Variants in IMMP2L observed in about 807,000 individuals in gnomAD.
IMMP2L encodes inner mitochondrial membrane peptidase subunit 2, also known as mitochondrial inner membrane protease subunit 2.
In IMMP2L, 18 loss-of-function variants were observed where a neutral mutation model predicts 19.3. The observed-to-expected ratio is 0.93, with a 90% confidence interval of 0.64 to 1.38. The LOEUF is 1.38. Among genes scored for constraint, IMMP2L ranks in the 40% most tolerant of loss-of-function variants. IMMP2L has a pLI of 0.00. For synonymous variants in IMMP2L, 76 were observed against 73.0 expected, an observed-to-expected ratio of 1.04 and a Z score of -0.21; for missense variants, 233 against 218.2, an observed-to-expected ratio of 1.07 and a Z score of -0.43.
chr7:111,074,236 T>G lies in IMMP2L; in HGVS notation c.240-110671A>C, dbSNP rs115308652. Among the ~76,000 whole-genome samples the G allele has an allele frequency of 8.6e-3, 1,311 of 152,318 alleles. 20 individuals carry two copies. Among genetic ancestry groups the G allele is most frequent in the African/African-American group, 0.029 (1,187 of 41,566 alleles). ...GAAGTCAGAGCAAAAATAAGAAACCTAGTTTATTCACTTCCTGACCTGACT... is the reference window on the plus strand; with the variant it reads ...GAAGTCAGAGCAAAAATAAGAAACCGAGTTTATTCACTTCCTGACCTGACT... On this transcript the variant is annotated intron_variant, in intron 3 of 5. Transcript: ENST00000405709.
intron 3 of IMMP2L, among the ~76,000 whole-genome samples, chr7:111,150,163 A>G (rs1009643490): frequency 6.6e-6 from 1 of 152,162 alleles, no homozygotes; most frequent in Non-Finnish European, 1.5e-5. Flanking sequence ...TAGGTTTGAC[A>G]ATGTATTGCA....
intron 3 of IMMP2L, among the ~76,000 whole-genome samples, chr7:111,059,535 T>A (rs971912660): frequency 2.0e-5 from 3 of 152,174 alleles, no homozygotes; most frequent in Non-Finnish European, 2.9e-5. Context: ...CCTGCTAGAC[T>A]AACACTTCAT....
intron 3 of IMMP2L, among the ~76,000 whole-genome samples, chr7:110,994,474 C>T (rs996883951): frequency 8.5e-5 from 13 of 152,136 alleles, no homozygotes; most frequent in African/African-American, 3.1e-4. Context: ...AGAACCCACA[C>T]GTAGCACTTC....
At chr7:111,065,697 T>C (rs531422413) in intron 3 of IMMP2L, among the ~76,000 whole-genome samples, 1 of 152,314 alleles carries the variant, frequency 6.6e-6, no homozygotes, top group African/African-American at 2.4e-5. Flanking sequence ...ATGCTTCCTG[T>C]TCTCGAACAT....
At chr7:111,447,615 A>C (rs539241126) in intron 3 of IMMP2L, among the ~76,000 whole-genome samples, 1 of 151,830 alleles carries the variant, frequency 6.6e-6, no homozygotes, top group African/African-American at 2.4e-5. Context: ...GCCAAAATGT[A>C]AAGACCATCG....
At chr7:111,331,229 T>G (rs1161619839) in intron 3 of IMMP2L, among the ~76,000 whole-genome samples, 1 of 151,982 alleles carries the variant, frequency 6.6e-6, no homozygotes, top group Non-Finnish European at 1.5e-5. Flanking sequence ...ATATACACAG[T>G]GAAATTCTAT....
At chr7:111,065,796 A>AT (rs1586047329) in intron 3 of IMMP2L, among the ~76,000 whole-genome samples, 1 of 152,288 alleles carries the variant, frequency 6.6e-6, no homozygotes, top group East Asian at 1.9e-4. Flanking sequence ...CTCAGCTTGC[A>AT]TACAGCCTAT....
At chr7:111,124,590 T>C (rs1356295864) in intron 3 of IMMP2L, 4 of 1,613,880 alleles carry the variant, frequency 2.5e-6, no homozygotes, top group Non-Finnish European at 3.4e-6. Flanking sequence ...GAAAAAAATG[T>C]GTAAATGTCA....
At chr7:110,929,055 A>G (rs1183114181) in intron 4 of IMMP2L, among the ~76,000 whole-genome samples, 1 of 152,166 alleles carries the variant, frequency 6.6e-6, no homozygotes, top group Admixed American at 6.6e-5. Context: ...TAAAAGAAGT[A>G]GCAGAAAATT....
intron 5 of IMMP2L, among the ~76,000 whole-genome samples, chr7:110,815,926 T>G (rs1218506747): frequency 6.6e-6 from 1 of 152,140 alleles, no homozygotes; most frequent in South Asian, 2.1e-4. Context: ...AGCTCCTGCA[T>G]TAATTAATTT....
intron 3 of IMMP2L, among the ~76,000 whole-genome samples, chr7:111,095,614 A>C (rs1371638228): frequency 6.6e-6 from 1 of 152,008 alleles, no homozygotes; most frequent in Non-Finnish European, 1.5e-5. Context: ...TAAAAATTAG[A>C]GTTTTGCCCT....
At chr7:111,030,758 T>C (rs1790672021) in intron 3 of IMMP2L, among the ~76,000 whole-genome samples, 1 of 151,502 alleles carries the variant, frequency 6.6e-6, no homozygotes, top group Non-Finnish European at 1.5e-5. Context: ...ATGCATACAG[T>C]AGGAACAATA....
At chr7:111,408,690 A>G (rs1034198621) in intron 3 of IMMP2L, among the ~76,000 whole-genome samples, 9 of 151,806 alleles carry the variant, frequency 5.9e-5, no homozygotes, top group Admixed American at 1.3e-4. Context: ...CTTCTCATGT[A>G]TCTACCAATA....
chr7:110,916,655 G>A (rs558179387), intron 4 of IMMP2L, among the ~76,000 whole-genome samples: 1 of 152,282 alleles, frequency 6.6e-6, no homozygotes, highest in South Asian at 2.1e-4. Context: ...AAGTCTGGCA[G>A]GAATGCCAAA....
rs1288000483 is a variant in IMMP2L, at chr7:110,818,264, C to G, written c.408+68329G>C. ...TCTACAATGAACTCAAACAAATTTA[C>G]AAGAAAAAAACAAACAACCCCATCA... On this transcript the variant is annotated intron_variant, in intron 5 of 5. Transcript: ENST00000405709. Among the ~76,000 whole-genome samples, 6 of 152,080 alleles carry G rather than the reference C, an allele frequency of 3.9e-5. No individual in the cohort carries two copies. In the East Asian group the frequency reaches 1.2e-3, roughly 29 times the overall value.
chr7:111,201,561 C>A (rs1810125486), intron 3 of IMMP2L, among the ~76,000 whole-genome samples: 1 of 151,694 alleles, frequency 6.6e-6, no homozygotes, highest in Admixed American at 6.6e-5. Flanking sequence ...AAAAAAAATA[C>A]AAAAAATTTG....
chr7:110,866,338 T>C (rs548271240), intron 5 of IMMP2L, among the ~76,000 whole-genome samples: 1 of 151,986 alleles, frequency 6.6e-6, no homozygotes, highest in South Asian at 2.1e-4. Flanking sequence ...GGAGTGAGTT[T>C]TAAAACAGCA....
At chr7:111,439,391 C>T (rs1227155062) in intron 3 of IMMP2L, among the ~76,000 whole-genome samples, 1 of 151,746 alleles carries the variant, frequency 6.6e-6, no homozygotes, top group Non-Finnish European at 1.5e-5. Flanking sequence ...CAAGGAAAGA[C>T]CTCAGAGGTA....
intron 3 of IMMP2L, among the ~76,000 whole-genome samples, chr7:111,142,840 C>A (rs371040275): frequency 6.6e-6 from 1 of 152,152 alleles, no homozygotes. Flanking sequence ...ACAACTCTCA[C>A]GGTCCCAAAA....
Sources: allele counts gnomAD v4.1 joint callset (sites outside exome capture counted in the v4.1 genomes callset), GRCh38; gene constraint gnomAD v4.1.1; transcripts MANE v1.5; gene names NCBI Gene and HGNC (gene_info 2026-07-23, HGNC 2026-07-21).